GALNT13: variants seen among roughly 807,000 people sequenced by gnomAD.
The protein encoded by GALNT13 is polypeptide N-acetylgalactosaminyltransferase 13.
GALNT13 carries 28 observed loss-of-function variants against 64.2 expected under a neutral mutation model. The observed-to-expected ratio is 0.44, with a 90% CI of 0.32 to 0.60. The LOEUF is 0.60. Ranked by LOEUF, GALNT13 falls within the 20% of genes least tolerant of loss-of-function variation. The pLI is 0.05. For synonymous variants in GALNT13, 214 were observed against 224.6 expected, an observed-to-expected ratio of 0.95 and a Z score of 0.42; for missense variants, 577 against 669.8, an observed-to-expected ratio of 0.86 and a Z score of 1.53.
At chr2:153,730,672 A>G in the GALNT13 span, among the ~76,000 whole-genome samples, 1 of 151,958 alleles carries the variant, frequency 6.6e-6, no homozygotes, top group Non-Finnish European at 1.5e-5. Context: ...GCTATCCAGA[A>G]TCTACAGGGA....
At chr2:153,330,408 A>G in the GALNT13 span, among the ~76,000 whole-genome samples, 470 of 152,104 alleles carry the variant, frequency 3.1e-3, 19 homozygotes, top group East Asian at 0.083. Context: ...CCAATCAAAT[A>G]TCCTCCATTT....
the GALNT13 span, among the ~76,000 whole-genome samples, chr2:153,502,291 T>C: frequency 6.6e-6 from 1 of 152,172 alleles, no homozygotes; most frequent in Non-Finnish European, 1.5e-5. Flanking sequence ...TCTTAAGCCT[T>C]TGCATCCTCA....
At chr2:153,451,936 G>A in the GALNT13 span, among the ~76,000 whole-genome samples, 4 of 152,302 alleles carry the variant, frequency 2.6e-5, no homozygotes, top group Admixed American at 2.6e-4. Context: ...GGTTTTGGAA[G>A]CCTTGGCTTC....
the GALNT13 span, among the ~76,000 whole-genome samples, chr2:153,100,944 G>A: frequency 2.0e-5 from 3 of 152,038 alleles, no homozygotes; most frequent in African/African-American, 7.2e-5. Flanking sequence ...CAGGAAAATC[G>A]CTGGAACCCG....
intron 10 of GALNT13, among the ~76,000 whole-genome samples, chr2:154,403,599 C>A (rs1699397476): frequency 6.6e-6 from 1 of 152,196 alleles, no homozygotes; most frequent in Admixed American, 6.5e-5. Flanking sequence ...TCTCAGGTCA[C>A]CCTGGACATA....
chr2:154,106,809 A>G (rs1359111579), intron 3 of GALNT13, among the ~76,000 whole-genome samples: 3 of 152,088 alleles, frequency 2.0e-5, no homozygotes, highest in Non-Finnish European at 1.5e-5. Flanking sequence ...CATAAGTTCA[A>G]TGGGATACGT....
the GALNT13 span, among the ~76,000 whole-genome samples, chr2:153,684,088 A>G: frequency 2.9e-5 from 4 of 138,176 alleles, no homozygotes; most frequent in Admixed American, 3.0e-4. Context: ...ATATATATAT[A>G]TATCCCAGGC....
At position 154,185,683 on chromosome 2, in the gene GALNT13, A is replaced by G. The variant is rs143817764; in HGVS notation, c.311+45178A>G. ...AGACATTATATTTTTTAGTTTCAGA[A>G]TTTCTATTTTTTTATAATTTTTATC... On this transcript the variant is annotated intron_variant, in intron 4 of 12. Coordinates refer to ENST00000392825, the MANE Select transcript of GALNT13 (RefSeq NM_052917.4). Among the ~76,000 whole-genome samples, 6 of 151,940 alleles carry G rather than the reference A, an allele frequency of 3.9e-5. No individual in the cohort carries two copies. The East Asian group carries it at 1.2e-3, about 29-fold the overall frequency.
chr2:153,372,381 C>T, the GALNT13 span, among the ~76,000 whole-genome samples: 1,872 of 152,186 alleles, frequency 0.012, 29 homozygotes, highest in African/African-American at 0.041. Flanking sequence ...GGTGTGGTGG[C>T]TCACGCCTAT....
the GALNT13 span, among the ~76,000 whole-genome samples, chr2:153,230,694 T>G: frequency 6.6e-6 from 1 of 152,198 alleles, no homozygotes; most frequent in Admixed American, 6.5e-5. Flanking sequence ...GTTTTGAAAA[T>G]TAAGAATCTA....
chr2:153,607,721 T>C, the GALNT13 span, among the ~76,000 whole-genome samples: 24,388 of 152,142 alleles, frequency 0.16, 2,106 homozygotes, highest in African/African-American at 0.21. Context: ...TTTTCTGTTT[T>C]TTTTAAACTT....
chr2:153,378,286 A>G, the GALNT13 span, among the ~76,000 whole-genome samples: 1 of 149,878 alleles, frequency 6.7e-6, no homozygotes, highest in Non-Finnish European at 1.5e-5. Flanking sequence ...ATAGATAGAT[A>G]GATAGATAGA....
At chr2:154,422,202 T>C (rs1487015843) in intron 11 of GALNT13, among the ~76,000 whole-genome samples, 2 of 152,116 alleles carry the variant, frequency 1.3e-5, no homozygotes, top group African/African-American at 4.8e-5. Flanking sequence ...ACTACAAAGG[T>C]TGTCAAAGGA....
At chr2:153,298,817 A>G in the GALNT13 span, among the ~76,000 whole-genome samples, 11 of 152,170 alleles carry the variant, frequency 7.2e-5, no homozygotes, top group Non-Finnish European at 2.9e-5. Context: ...GATAATTTGG[A>G]ATAGTTGGGA....
At chr2:154,309,151 A>C (rs932794513) in intron 9 of GALNT13, among the ~76,000 whole-genome samples, 2 of 152,232 alleles carry the variant, frequency 1.3e-5, no homozygotes, top group African/African-American at 2.4e-5. Flanking sequence ...ATGAAAAATA[A>C]GATTAAATGC....
the GALNT13 span, among the ~76,000 whole-genome samples, chr2:153,630,910 A>G: frequency 1.3e-5 from 2 of 148,364 alleles, no homozygotes; most frequent in African/African-American, 5.0e-5. Context: ...TGCTGCACCC[A>G]TTAAATCATC....
chr2:154,384,716 C>A (rs1014396688), intron 9 of GALNT13, among the ~76,000 whole-genome samples: 2 of 151,866 alleles, frequency 1.3e-5, no homozygotes, highest in Non-Finnish European at 2.9e-5. Flanking sequence ...AACTGATGTT[C>A]ATGTGTTTCC....
chr2:153,426,936 T>C, the GALNT13 span, among the ~76,000 whole-genome samples: 10 of 152,154 alleles, frequency 6.6e-5, 1 homozygote, highest in South Asian at 2.1e-3. Context: ...TTGGAAATTT[T>C]TGTTTTCACA....
the GALNT13 span, among the ~76,000 whole-genome samples, chr2:153,431,157 A>C: frequency 0.011 from 1,631 of 152,152 alleles, 17 homozygotes; most frequent in Non-Finnish European, 0.018. Context: ...CAAAAAAAAA[A>C]AAAAACAAAA....
Sources: allele counts gnomAD v4.1 joint callset (sites outside exome capture counted in the v4.1 genomes callset), GRCh38; gene constraint gnomAD v4.1.1; transcripts MANE v1.5; gene names NCBI Gene and HGNC (gene_info 2026-07-23, HGNC 2026-07-21).